CLINT1: variants seen among roughly 807,000 people sequenced by gnomAD.
CLINT1 encodes the protein clathrin interactor 1.
A neutral mutation model predicts 70.4 loss-of-function variants in CLINT1; 15 were observed. The observed-to-expected ratio is 0.21, with a 90% CI of 0.14 to 0.33. CLINT1 has a LOEUF of 0.33. Among genes scored for constraint, CLINT1 ranks in the 10% least tolerant of loss-of-function variants. The pLI is 1.00. For missense variants in CLINT1, 615 were observed against 778.1 expected (o/e 0.79, Z 2.49); for synonymous variants, 227 against 254.7 (o/e 0.89, Z 1.04).
intron 1 of CLINT1, among the ~76,000 whole-genome samples, chr5:157,826,743 C>A (rs1763053014): frequency 6.6e-6 from 1 of 152,094 alleles, no homozygotes; most frequent in South Asian, 2.1e-4. Context: ...TTGTATTTCA[C>A]AAAGAATGGT....
chr5:157,797,492 T>C (rs1000773565), intron 8 of CLINT1, among the ~76,000 whole-genome samples: 4 of 152,146 alleles, frequency 2.6e-5, no homozygotes, highest in African/African-American at 9.7e-5. Context: ...TTTAAGTGAT[T>C]CTCCACCTTC....
chr5:157,805,758 T>C (rs1762366295), intron 7 of CLINT1, 108 bp downstream of exon 7: 2 of 1,346,048 alleles, frequency 1.5e-6, no homozygotes, highest in Non-Finnish European at 2.0e-6. Context: ...AGATGATCCA[T>C]AATTAATATG....
At chr5:157,842,871 T>C (rs964458547) in intron 1 of CLINT1, among the ~76,000 whole-genome samples, 3 of 152,214 alleles carry the variant, frequency 2.0e-5, no homozygotes, top group Non-Finnish European at 2.9e-5. Context: ...AACCATGAAA[T>C]ATTCTTTCCT....
intron 1 of CLINT1, among the ~76,000 whole-genome samples, chr5:157,835,103 C>T (rs1763374082): frequency 6.6e-6 from 1 of 152,148 alleles, no homozygotes. Flanking sequence ...AGGGTCCTTT[C>T]TATAATCTAT....
intron 1 of CLINT1, among the ~76,000 whole-genome samples, chr5:157,834,261 G>C (rs1763344289): frequency 6.6e-6 from 1 of 152,182 alleles, no homozygotes; most frequent in East Asian, 1.9e-4. Context: ...AGCTACGCAG[G>C]AGGCTGAGGT....
intron 5 of CLINT1, among the ~76,000 whole-genome samples, chr5:157,812,229 A>G (rs1467951569): frequency 6.6e-6 from 1 of 152,150 alleles, no homozygotes; most frequent in African/African-American, 2.4e-5. Flanking sequence ...TGAGAGCTCA[A>G]TATAATCCAA....
In CLINT1 at chr5:157,830,939, G is replaced by A. The variant is rs549542784; in HGVS notation, c.42-13392C>T. ...GCTACTGGAGGTGAGGGTGGAGGGT[G>A]GGGCTGAGGTGGAAAGACTGCTTGG... On this transcript the variant is annotated intron_variant, in intron 1 of 11. Transcript: ENST00000411809. Among the ~76,000 whole-genome samples, 18 of 151,730 alleles carry A rather than the reference G, an allele frequency of 1.2e-4. No homozygotes were observed. The South Asian group carries it at 3.7e-3, about 32-fold the overall frequency.
intron 6 of CLINT1, among the ~76,000 whole-genome samples, chr5:157,806,379 A>C (rs1762384555): frequency 6.7e-6 from 1 of 150,208 alleles, no homozygotes; most frequent in Non-Finnish European, 1.5e-5. Flanking sequence ...TATAAATAAA[A>C]AATGTCAAAA....
rs1261701418 is a variant in CLINT1 at position 157,858,910 on chromosome 5, A to C, written c.41+20T>G. 4 of 615,012 alleles carry C rather than the reference A, an allele frequency of 6.5e-6. No individual in the cohort carries two copies. Among genetic ancestry groups the C allele is most frequent in the Non-Finnish European group, 1.0e-5 (4 of 390,534 alleles). The allele number at this position is 615,012 out of a possible 1,614,324, so 38.1% of individuals were successfully genotyped here. Reference sequence around the variant, plus strand: ...CCTCCCCCACGTGGGCCTCGGCCACAACTGCCCCCCGATACTCACGCTTTG... The same window carrying C: ...CCTCCCCCACGTGGGCCTCGGCCACCACTGCCCCCCGATACTCACGCTTTG... On this transcript the variant is annotated intron_variant, in intron 1 of 11. Coordinates refer to ENST00000411809, the MANE Select transcript of CLINT1 (RefSeq NM_014666.4).
intron 1 of CLINT1, among the ~76,000 whole-genome samples, chr5:157,820,264 C>T (rs115671912): frequency 8.5e-4 from 129 of 152,280 alleles, no homozygotes; most frequent in African/African-American, 3.0e-3. Flanking sequence ...GCCTGGCCAA[C>T]ATGGCAAAAC....
rs955496759 is a variant in CLINT1 at position 157,831,035 on chromosome 5, C to T, written c.42-13488G>A. Reference sequence around the variant, plus strand: ...CTCCAGACTAGATGACAGAACAAGACCCTGTCTCAAAAAAACAAACAAACA... The same window carrying T: ...CTCCAGACTAGATGACAGAACAAGATCCTGTCTCAAAAAAACAAACAAACA... On this transcript the variant is annotated intron_variant, in intron 1 of 11. Coordinates refer to ENST00000411809, the MANE Select transcript of CLINT1 (RefSeq NM_014666.4). Among the ~76,000 whole-genome samples, 10 of 148,122 alleles carry T rather than the reference C, an allele frequency of 6.8e-5. No individual in the cohort carries two copies. The South Asian group carries it at 1.3e-3, about 19-fold the overall frequency.
intron 1 of CLINT1, among the ~76,000 whole-genome samples, chr5:157,845,939 C>T (rs981588752): frequency 1.3e-5 from 2 of 152,102 alleles, no homozygotes; most frequent in African/African-American, 4.8e-5. Flanking sequence ...TTTGATGTTA[C>T]TATTGTAATT....
rs1317595702 is a variant in CLINT1, at chr5:157,789,416, A to C, written c.1478T>G (p.Met493Arg). The change falls in exon 11 of 12, where the codon ATG (methionine) becomes AGG (arginine). Residue 493 changes from methionine (M) to arginine (R), a missense_variant. By Grantham distance (91) the Met-to-Arg change is moderately conservative (BLOSUM62 -1). This residue lies in a region of CLINT1 where 374 missense variants were observed against 409.6 expected (regional missense o/e 0.91). Coordinates refer to ENST00000411809, the MANE Select transcript of CLINT1 (RefSeq NM_014666.4). ...NISLDNLLPGMQPSKPQQPSL... is the reference protein window; with the variant it reads ...NISLDNLLPGRQPSKPQQPSL... The stretch of plus-strand genomic sequence containing the variant: ...TGGCTGCTGGGGTTTGGAAGGCTGC[A>C]TACCAGGTAGTAAGTTGTCTAGGCT... 1 of 1,613,906 alleles carries C rather than the reference A, an allele frequency of 6.2e-7. No individual in the cohort carries two copies. Among genetic ancestry groups the C allele is most frequent in the Non-Finnish European group, 8.5e-7 (1 of 1,179,882 alleles).
At chr5:157,853,958 C>T (rs1303510248) in intron 1 of CLINT1, among the ~76,000 whole-genome samples, 1 of 152,028 alleles carries the variant, frequency 6.6e-6, no homozygotes, top group African/African-American at 2.4e-5. Flanking sequence ...ACTCATCTTT[C>T]TTTGGAATTA....
chr5:157,820,172 G>A (rs920846749), intron 1 of CLINT1, among the ~76,000 whole-genome samples: 2 of 152,178 alleles, frequency 1.3e-5, no homozygotes, highest in Non-Finnish European at 2.9e-5. Context: ...TCCAGGCCAG[G>A]TGCAGTGGCT....
At chr5:157,809,943 C>G in intron 5 of CLINT1, 138 bp from the exon 6 acceptor site, 1 of 763,820 alleles carries the variant, frequency 1.3e-6, no homozygotes, top group South Asian at 1.9e-5. Context: ...AGTGCTGAAT[C>G]AACACAATTA....
rs202044066 is a variant in CLINT1, at chr5:157,837,649, C to CTTTTTT, written c.42-20108_42-20103dup. On this transcript the variant is annotated intron_variant, in intron 1 of 11. Transcript: ENST00000411809. ...CCAGCAAATTTCTCAAGCTCTTTTACTTTTTTTTTTTTTGAGACGGAGTCT... is the reference window on the plus strand; with the variant it reads ...CCAGCAAATTTCTCAAGCTCTTTTACTTTTTTTTTTTTTTTTTTTGAGACGGAGTCT... Among the ~76,000 whole-genome samples the CTTTTTT allele has an allele frequency of 6.5e-5, 9 of 138,550 alleles. 1 individual carries two copies. The highest frequency in any genetic ancestry group is 8.3e-5 in the African/African-American group (3 of 36,334). 90.9% of individuals were successfully genotyped at this position (138,550 alleles called of 152,430 possible).
At chr5:157,800,834 ATC>A (rs1762190066) in intron 8 of CLINT1, among the ~76,000 whole-genome samples, 1 of 152,202 alleles carries the variant, frequency 6.6e-6, no homozygotes. Context: ...TATTTAATAA[ATC>A]TCTCTGTTCA....
chr5:157,812,914 A>T (rs1354717698), intron 5 of CLINT1, 149 bp downstream of exon 5: 11 of 673,904 alleles, frequency 1.6e-5, no homozygotes, highest in Non-Finnish European at 2.4e-5. Context: ...TGATAGTAGA[A>T]GTCAAGATTA....
Sources: allele counts gnomAD v4.1 joint callset (sites outside exome capture counted in the v4.1 genomes callset), GRCh38; gene constraint gnomAD v4.1.1; regional missense constraint gnomAD v4.1.1; transcripts MANE v1.5; gene names NCBI Gene and HGNC (gene_info 2026-07-23, HGNC 2026-07-21).